KANK1: variants seen among roughly 807,000 people sequenced by gnomAD.
KANK1 encodes KN motif and ankyrin repeat domain-containing protein 1.
A neutral mutation model predicts 106.2 loss-of-function variants in KANK1; 109 were observed. The ratio of observed to expected loss-of-function variants is 1.03; its 90% CI spans 0.88 to 1.20. KANK1 has a LOEUF of 1.20. Ranked by LOEUF, KANK1 falls within the 50% of genes most tolerant of loss-of-function variation. The pLI is 0.00. For synonymous variants in KANK1, 873 were observed against 652.2 expected, an observed-to-expected ratio of 1.34 and a Z score of -5.16; for missense variants, 2,399 against 1,710.7, an observed-to-expected ratio of 1.40 and a Z score of -7.10.
chr9:595,840 T>G (rs1826079978), intron 1 of KANK1, among the ~76,000 whole-genome samples: 1 of 151,866 alleles, frequency 6.6e-6, no homozygotes, highest in Admixed American at 6.6e-5. Context: ...AGATTTATGA[T>G]GATAGATAGA....
chr9:679,904 A>G (rs1258124689), intron 2 of KANK1, among the ~76,000 whole-genome samples: 2 of 152,164 alleles, frequency 1.3e-5, no homozygotes, highest in Non-Finnish European at 2.9e-5. Flanking sequence ...TTACAAAGGA[A>G]ACACCTCTCC....
chr9:660,517 G>C (rs1216060662), intron 1 of KANK1, among the ~76,000 whole-genome samples: 1 of 152,112 alleles, frequency 6.6e-6, no homozygotes, highest in African/African-American at 2.4e-5. Flanking sequence ...TAGTCTTGAA[G>C]TCCCTCATTT....
At chr9:699,899 T>G (rs779974195) in intron 2 of KANK1, among the ~76,000 whole-genome samples, 10 of 152,122 alleles carry the variant, frequency 6.6e-5, no homozygotes, top group Non-Finnish European at 1.2e-4. Flanking sequence ...GGAGGATCGC[T>G]TGAGCTGGGG....
chr9:628,435 G>A (rs1443542021), intron 1 of KANK1, among the ~76,000 whole-genome samples: 1 of 152,160 alleles, frequency 6.6e-6, no homozygotes, highest in East Asian at 1.9e-4. Flanking sequence ...TATATTCACA[G>A]ATGTACGTAT....
At chr9:656,152 C>A (rs984964392) in intron 1 of KANK1, among the ~76,000 whole-genome samples, 6 of 152,204 alleles carry the variant, frequency 3.9e-5, no homozygotes, top group Non-Finnish European at 8.8e-5. Flanking sequence ...GGCTTGAGCC[C>A]AACCTTTCAG....
At position 745,406 on chromosome 9, in the gene KANK1, G is replaced by A. The variant is rs1303874946; in HGVS notation, c.*171G>A. On this transcript the variant is annotated 3_prime_UTR_variant, in exon 12 of 12. Coordinates refer to ENST00000382297, the MANE Select transcript of KANK1 (RefSeq NM_015158.5). Reference sequence around the variant, plus strand: ...TCACAGTGCAGAGACTGCTAGCCTGGGCACACACACCTCCTTTCTGGCCGT... The same window carrying A: ...TCACAGTGCAGAGACTGCTAGCCTGAGCACACACACCTCCTTTCTGGCCGT... The A allele has an allele frequency of 2.8e-6, 2 of 726,430 alleles. No homozygotes were observed. Among genetic ancestry groups the A allele is most frequent in the African/African-American group, 3.6e-5 (2 of 56,304 alleles). The allele number at this position is 726,430 out of a possible 1,614,324, so 45.0% of individuals were successfully genotyped here. A position where few individuals can be genotyped will look rare whatever the true frequency, so the allele number is the denominator to read the frequency against.
intron 1 of KANK1, among the ~76,000 whole-genome samples, chr9:633,253 G>A (rs1836223442): frequency 6.6e-6 from 1 of 151,990 alleles, no homozygotes; most frequent in African/African-American, 2.4e-5. Context: ...TCAGGAGATC[G>A]AGACCATCCC....
At chr9:509,039 C>A (rs1025119269) in intron 1 of KANK1, among the ~76,000 whole-genome samples, 1 of 152,026 alleles carries the variant, frequency 6.6e-6, no homozygotes, top group African/African-American at 2.4e-5. Flanking sequence ...CTGTTGTGTC[C>A]TTTTTAAATT....
At chr9:524,148 C>T (rs2133297452) in intron 1 of KANK1, among the ~76,000 whole-genome samples, 1 of 151,904 alleles carries the variant, frequency 6.6e-6, no homozygotes, top group East Asian at 1.9e-4. Context: ...ACCTGATTCC[C>T]TCTTCTGCTT....
At chr9:531,304 G>C (rs1563724779) in intron 1 of KANK1, among the ~76,000 whole-genome samples, 1 of 152,074 alleles carries the variant, frequency 6.6e-6, no homozygotes, top group Non-Finnish European at 1.5e-5. Context: ...GGTGGTGCGT[G>C]CCTATAGTCC....
chr9:725,363 C>T (rs943753321), intron 3 of KANK1, among the ~76,000 whole-genome samples: 1 of 151,854 alleles, frequency 6.6e-6, no homozygotes, highest in Non-Finnish European at 1.5e-5. Flanking sequence ...CATGGTTGTG[C>T]ACACCTGTAG....
chr9:631,759 T>G (rs1835803608), intron 1 of KANK1, among the ~76,000 whole-genome samples: 1 of 152,232 alleles, frequency 6.6e-6, no homozygotes, highest in African/African-American at 2.4e-5. Flanking sequence ...CACCCCATTC[T>G]GTGGTCTCTT....
intron 1 of KANK1, among the ~76,000 whole-genome samples, chr9:615,630 T>C (rs1031235298): frequency 1.3e-5 from 2 of 152,196 alleles, no homozygotes; most frequent in African/African-American, 4.8e-5. Flanking sequence ...AAAGACTTAA[T>C]TAATTGGTGT....
intron 1 of KANK1, among the ~76,000 whole-genome samples, chr9:541,116 G>C (rs1157796121): frequency 6.8e-6 from 1 of 147,306 alleles, no homozygotes; most frequent in African/African-American, 2.5e-5. Flanking sequence ...TTGGTTTGTT[G>C]AAAAACGAAA....
chr9:694,767 T>G (rs1467808937), intron 2 of KANK1, among the ~76,000 whole-genome samples: 26 of 151,970 alleles, frequency 1.7e-4, no homozygotes, highest in Non-Finnish European at 2.5e-4. Flanking sequence ...ATGCCCAGAG[T>G]AGAATTGGCA....
intron 10 of KANK1, among the ~76,000 whole-genome samples, chr9:744,073 G>A (rs1836496753): frequency 1.3e-5 from 2 of 152,176 alleles, no homozygotes; most frequent in South Asian, 4.1e-4. Context: ...CTTAAACCGA[G>A]GTGGTTTAGG....
chr9:677,326 T>C (rs1391313304), intron 2 of KANK1, among the ~76,000 whole-genome samples: 1 of 152,162 alleles, frequency 6.6e-6, no homozygotes, highest in Non-Finnish European at 1.5e-5. Context: ...TTCTGAGGGA[T>C]TGAATGAGGA....
chr9:541,306 G>A (rs756453673), intron 1 of KANK1, among the ~76,000 whole-genome samples: 13 of 152,106 alleles, frequency 8.5e-5, no homozygotes, highest in Admixed American at 2.0e-4. Flanking sequence ...TGACAAAGTT[G>A]CCAAGAACAC....
intron 1 of KANK1, among the ~76,000 whole-genome samples, chr9:648,650 A>G (rs998416242): frequency 6.6e-6 from 1 of 152,220 alleles, no homozygotes; most frequent in East Asian, 1.9e-4. Context: ...GTAGAGTGTA[A>G]TAAGTGCGGT....
Sources: allele counts gnomAD v4.1 joint callset (sites outside exome capture counted in the v4.1 genomes callset), GRCh38; gene constraint gnomAD v4.1.1; transcripts MANE v1.5; gene names NCBI Gene and HGNC (gene_info 2026-07-23, HGNC 2026-07-21).